TMEM132D: variants seen among roughly 807,000 people sequenced by gnomAD.
The protein encoded by TMEM132D is transmembrane protein 132D, also known as mature OL transmembrane protein.
A neutral mutation model predicts 62.3 loss-of-function variants in TMEM132D; 21 were observed. The ratio of observed to expected loss-of-function variants is 0.34; its 90% CI spans 0.24 to 0.49. The LOEUF (loss-of-function observed/expected upper bound fraction) is 0.49. Among genes scored for constraint, TMEM132D ranks in the 20% least tolerant of loss-of-function variants. The pLI, the probability that TMEM132D is intolerant of heterozygous loss-of-function variation, is 0.99. For synonymous variants in TMEM132D, 621 were observed against 575.6 expected (o/e 1.08, Z -1.13); for missense variants, 1,346 against 1,402.8 (o/e 0.96, Z 0.65).
intron 4 of TMEM132D, among the ~76,000 whole-genome samples, chr12:129,336,773 T>C (rs1267425897): frequency 6.6e-6 from 1 of 150,664 alleles, no homozygotes; most frequent in Non-Finnish European, 1.5e-5. Flanking sequence ...GAGTGTGGAG[T>C]GTGGGAAACA....
intron 1 of TMEM132D, among the ~76,000 whole-genome samples, chr12:129,872,926 C>T (rs1404357755): frequency 6.6e-6 from 1 of 152,086 alleles, no homozygotes; most frequent in Non-Finnish European, 1.5e-5. Flanking sequence ...AAAGAGAAGC[C>T]TAGGTGCCTC....
Position 129,473,528 on chromosome 12 carries a change from G to A in TMEM132D, c.1115+57531C>T, listed in dbSNP as rs544604917. Among the ~76,000 whole-genome samples, 15 of 151,240 alleles carry A rather than the reference G, an allele frequency of 9.9e-5. 1 individual carries two copies. The South Asian group carries it at 1.9e-3, about 19-fold the overall frequency. On this transcript the variant is annotated intron_variant, in intron 3 of 8. Coordinates refer to ENST00000422113, the MANE Select transcript of TMEM132D (RefSeq NM_133448.3). ...GTATTTTTAGTAGAGATGGGGTTTC[G>A]CTATATTGGCCAGGCTGGTCTCGAA...
chr12:129,076,417 C>G (rs540446019), intron 8 of TMEM132D, among the ~76,000 whole-genome samples: 1 of 151,804 alleles, frequency 6.6e-6, no homozygotes, highest in East Asian at 1.9e-4. Flanking sequence ...TTTTTTTTCT[C>G]TTATGACCTA....
At chr12:129,653,725 C>G (rs1453602236) in intron 2 of TMEM132D, among the ~76,000 whole-genome samples, 4 of 152,154 alleles carry the variant, frequency 2.6e-5, no homozygotes, top group African/African-American at 4.8e-5. Context: ...CATTTTAGAT[C>G]TATAGAAAAA....
At chr12:129,405,359 AC>A (rs1001957307) in intron 3 of TMEM132D, among the ~76,000 whole-genome samples, 2 of 151,666 alleles carry the variant, frequency 1.3e-5, no homozygotes, top group African/African-American at 4.8e-5. Context: ...AAATCTAATC[AC>A]CCCAAAGGCC....
At chr12:129,891,051 G>A (rs893140918) in intron 1 of TMEM132D, among the ~76,000 whole-genome samples, 1 of 151,992 alleles carries the variant, frequency 6.6e-6, no homozygotes. Context: ...TAACAGCGAC[G>A]CCCAAACAGC....
At chr12:129,757,723 G>T (rs1593149921) in intron 1 of TMEM132D, among the ~76,000 whole-genome samples, 1 of 152,240 alleles carries the variant, frequency 6.6e-6, no homozygotes, top group East Asian at 1.9e-4. Context: ...ACTCGATACA[G>T]CCAGAGCAAT....
At chr12:129,513,417 A>G (rs540787142) in intron 3 of TMEM132D, among the ~76,000 whole-genome samples, 1 of 152,132 alleles carries the variant, frequency 6.6e-6, no homozygotes, top group African/African-American at 2.4e-5. Context: ...CATAATGGGG[A>G]CCAATTTTTT....
chr12:129,206,449 A>G (rs1041399375), intron 5 of TMEM132D, among the ~76,000 whole-genome samples: 4 of 152,230 alleles, frequency 2.6e-5, no homozygotes, highest in African/African-American at 9.6e-5. Context: ...AAGTCAAAAA[A>G]TAGCAGATGC....
intron 3 of TMEM132D, among the ~76,000 whole-genome samples, chr12:129,367,633 T>C (rs1566046975): frequency 6.6e-6 from 1 of 152,078 alleles, no homozygotes; most frequent in Non-Finnish European, 1.5e-5. Context: ...GCCAAGAGGA[T>C]GAGTGGTAGC....
At chr12:129,875,448 AG>A (rs1874387491) in intron 1 of TMEM132D, among the ~76,000 whole-genome samples, 1 of 152,192 alleles carries the variant, frequency 6.6e-6, no homozygotes, top group Non-Finnish European at 1.5e-5. Flanking sequence ...GTTCCTGGTA[AG>A]GGCCCGGCTC....
At chr12:129,095,151 G>A (rs982605774) in intron 5 of TMEM132D, among the ~76,000 whole-genome samples, 10 of 151,762 alleles carry the variant, frequency 6.6e-5, no homozygotes, top group African/African-American at 2.4e-4. Flanking sequence ...CCTGCATGTT[G>A]TGCACATGTA....
At chr12:129,675,078 G>T (rs932595149) in intron 2 of TMEM132D, among the ~76,000 whole-genome samples, 1 of 152,142 alleles carries the variant, frequency 6.6e-6, no homozygotes, top group African/African-American at 2.4e-5. Context: ...TAAGGAGTAA[G>T]AAATGCAGAG....
chr12:129,126,924 A>G (rs972810105), intron 5 of TMEM132D, among the ~76,000 whole-genome samples: 2 of 152,216 alleles, frequency 1.3e-5, no homozygotes, highest in African/African-American at 4.8e-5. Context: ...AGGGGTAAAG[A>G]GCAGCACGTC....
intron 3 of TMEM132D, among the ~76,000 whole-genome samples, chr12:129,436,518 T>C (rs1354269136): frequency 1.3e-5 from 2 of 152,202 alleles, no homozygotes; most frequent in African/African-American, 4.8e-5. Context: ...GCAAGACTTT[T>C]AGTTGCAGCA....
At chr12:129,245,798 A>G (rs1880085760) in intron 4 of TMEM132D, among the ~76,000 whole-genome samples, 3 of 152,210 alleles carry the variant, frequency 2.0e-5, no homozygotes, top group Admixed American at 1.3e-4. Flanking sequence ...GCATCCTGGA[A>G]AGCAGATCTG....
chr12:129,320,020 T>G (rs1186829302), intron 4 of TMEM132D, among the ~76,000 whole-genome samples: 1 of 152,170 alleles, frequency 6.6e-6, no homozygotes, highest in East Asian at 1.9e-4. Flanking sequence ...ACAATCACCA[T>G]GAATATGTAG....
chr12:129,861,001 A>G (rs1873880569), intron 1 of TMEM132D, among the ~76,000 whole-genome samples: 1 of 152,248 alleles, frequency 6.6e-6, no homozygotes, highest in East Asian at 1.9e-4. Flanking sequence ...GTGGGGACAC[A>G]GCCAAACCAT....
intron 1 of TMEM132D, among the ~76,000 whole-genome samples, chr12:129,710,991 C>G (rs1165963472): frequency 6.6e-6 from 1 of 152,216 alleles, no homozygotes; most frequent in Non-Finnish European, 1.5e-5. Context: ...TACCCACGCG[C>G]ATTCCCTGGG....
Sources: allele counts gnomAD v4.1 joint callset (sites outside exome capture counted in the v4.1 genomes callset), GRCh38; gene constraint gnomAD v4.1.1; transcripts MANE v1.5; gene names NCBI Gene and HGNC (gene_info 2026-07-23, HGNC 2026-07-21).